NBPF15: variants seen among roughly 807,000 people sequenced by gnomAD.
NBPF15 encodes NBPF member 15, also known as NBPF family member NBPF15.
In NBPF15, 74 loss-of-function variants were observed where a neutral mutation model predicts 62.2. That is an observed-to-expected ratio of 1.19 (90% CI 0.99 to 1.44). The LOEUF (loss-of-function observed/expected upper bound fraction) is 1.44, where lower values mean the gene tolerates loss of function less well. NBPF15 is among the 40% of genes most tolerant of loss of function. NBPF15 has a pLI of 0.00. For missense variants in NBPF15, 790 were observed against 550.0 expected (o/e 1.44, Z -4.36); for synonymous variants, 244 against 209.7 (o/e 1.16, Z -1.41).
chr1:144,443,673 A>G (rs1685161711), intron 6 of NBPF15, among the ~76,000 whole-genome samples: 1 of 151,702 alleles, frequency 6.6e-6, no homozygotes, highest in South Asian at 2.1e-4. Context: ...TCTGGCTATT[A>G]ATCTCTATTA....
Position 144,442,432 on chromosome 1 carries a change from T to A in NBPF15, c.-190-2137A>T, listed in dbSNP as rs1413973504. Among the ~76,000 whole-genome samples the A allele has an allele frequency of 1.4e-3, 201 of 143,920 alleles. 2 individuals are homozygous for A. Among genetic ancestry groups the A allele is most frequent in the East Asian group, 4.6e-3 (23 of 4,978 alleles). The allele number at this position is 143,920 out of a possible 152,430, so 94.4% of individuals were successfully genotyped here. On this transcript the variant is annotated intron_variant, in intron 6 of 21. Coordinates refer to ENST00000581897, the MANE Select transcript of NBPF15 (RefSeq NM_001385408.1). ...GTGTATATATATTATATATATATAT[T>A]TTTTTCTTTTTTAAGTGGCGGAGCG...
chr1:144,443,179 C>T lies in NBPF15; in HGVS notation c.-190-2884G>A, dbSNP rs1489519560. Among the ~76,000 whole-genome samples, 1,198 of 151,958 alleles carry T rather than the reference C, an allele frequency of 7.9e-3. 16 individuals carry two copies. Among genetic ancestry groups the T allele is most frequent in the Non-Finnish European group, 0.012 (823 of 67,918 alleles). Reference sequence around the variant, plus strand: ...ACAGACACCTTCCCCCACCCATACCCCTCCTGTGTGTGGCTGGAAAACTTT... The same window carrying T: ...ACAGACACCTTCCCCCACCCATACCTCTCCTGTGTGTGGCTGGAAAACTTT... On this transcript the variant is annotated intron_variant, in intron 6 of 21. Coordinates refer to ENST00000581897, the MANE Select transcript of NBPF15 (RefSeq NM_001385408.1).
intron 3 of NBPF15, among the ~76,000 whole-genome samples, chr1:144,457,236 T>A (rs750406537): frequency 8.5e-5 from 13 of 152,060 alleles, no homozygotes; most frequent in Non-Finnish European, 1.9e-4. Context: ...CAGATCTTAG[T>A]GAACAAGAAT....
chr1:144,455,615 C>T lies in NBPF15; in HGVS notation c.-432+922G>A, dbSNP rs587649969. ...TGCTCCTTGTCCACTCCAGAAGCTTCCCAGCTGCAGGTGGGGGCCTCAGCC... is the reference window on the plus strand; with the variant it reads ...TGCTCCTTGTCCACTCCAGAAGCTTTCCAGCTGCAGGTGGGGGCCTCAGCC... On this transcript the variant is annotated intron_variant, in intron 4 of 21. Coordinates refer to ENST00000581897, the MANE Select transcript of NBPF15 (RefSeq NM_001385408.1). 5.3e-5 allele frequency among the ~76,000 whole-genome samples: 8 copies of T among 152,160 alleles called. No individual in the cohort carries two copies. The South Asian group carries it at 1.7e-3, about 32-fold the overall frequency.
chr1:144,459,974 G>A (rs1351725961), intron 2 of NBPF15, among the ~76,000 whole-genome samples: 1 of 105,386 alleles, frequency 9.5e-6, no homozygotes, highest in African/African-American at 3.7e-5. Context: ...GTCTAGTAAT[G>A]TTCTATTTCT....
In NBPF15 at chr1:144,424,704, G is replaced by A. The variant is rs1385069394; in HGVS notation, c.1649C>T (p.Ser550Phe). 6.4e-6 allele frequency: 4 copies of A among 625,316 alleles called. No homozygotes were observed. Among genetic ancestry groups the A allele is most frequent in the Non-Finnish European group, 1.1e-5 (4 of 357,532 alleles). 38.7% of individuals were successfully genotyped at this position (625,316 alleles called of 1,614,324 possible). The stretch of plus-strand genomic sequence containing the variant: ...AAGGTACTCACCTCCCACGTCAAGA[G>A]AAAAGCCAACATGTTTTTCCTCCAA... Reference protein sequence around the residue: ...YALEEKHVGFSLDVGEIEKKG... With the variant: ...YALEEKHVGFFLDVGEIEKKG... The change falls in exon 20 of 22, where the codon TCT (serine) becomes TTT (phenylalanine). Residue 550 changes from serine to phenylalanine, a missense_variant. Physicochemically the swap from Ser to Phe is radical, Grantham distance 155 (BLOSUM62 -2). Coordinates refer to ENST00000581897, the MANE Select transcript of NBPF15 (RefSeq NM_001385408.1).
At chr1:144,437,583 C>T (rs1157392939) in intron 9 of NBPF15, among the ~76,000 whole-genome samples, 12 of 150,814 alleles carry the variant, frequency 8.0e-5, no homozygotes, top group South Asian at 2.1e-4. Flanking sequence ...AATGAGAAGC[C>T]GCAGTCAGTC....
At chr1:144,432,826 A>G (rs1675458772) in intron 13 of NBPF15, among the ~76,000 whole-genome samples, 1 of 152,004 alleles carries the variant, frequency 6.6e-6, no homozygotes, top group African/African-American at 2.4e-5. Flanking sequence ...GAGACCTACA[A>G]AGAGATTTAG....
chr1:144,427,889 G>T lies in NBPF15; in HGVS notation c.1142C>A (p.Ser381Ter). 2 of 641,804 alleles carry T rather than the reference G, an allele frequency of 3.1e-6. No homozygotes were observed. 39.8% of individuals were successfully genotyped at this position (641,804 alleles called of 1,614,324 possible). ...AAAGGCACTTCTGTAGGGCTGGCAT[G>T]AGTCAGTCAGTTCAAGACAACCTGA... ...TPSGCLELTD[S>*]CQPYRSAFYV... is the part of the protein sequence containing the mutation. The change falls in exon 16 of 22, where the codon TCA becomes TAA. Residue 381 changes from serine to a stop codon, truncating the protein, a stop_gained. Transcript: ENST00000581897. LOFTEE classifies it high-confidence loss of function.
At chr1:144,430,965 A>T (rs1419720227) in intron 13 of NBPF15, among the ~76,000 whole-genome samples, 2 of 152,044 alleles carry the variant, frequency 1.3e-5, no homozygotes, top group Non-Finnish European at 2.9e-5. Flanking sequence ...CAAGTGCAAG[A>T]AATGGTATCA....
intron 13 of NBPF15, among the ~76,000 whole-genome samples, chr1:144,432,141 C>T (rs1674828035): frequency 6.6e-6 from 1 of 151,944 alleles, no homozygotes; most frequent in African/African-American, 2.4e-5. Flanking sequence ...TCTCCACATC[C>T]TCTCCAGCAT....
chr1:144,442,813 T>A, intron 6 of NBPF15: 1 of 211,882 alleles, frequency 4.7e-6, no homozygotes, highest in Non-Finnish European at 1.0e-5. Context: ...GGTCCTGGAC[T>A]CACTGCTGCA....
At chr1:144,423,545 A>C (rs1162924718) in intron 21 of NBPF15, among the ~76,000 whole-genome samples, 1 of 151,976 alleles carries the variant, frequency 6.6e-6, no homozygotes, top group Non-Finnish European at 1.5e-5. Flanking sequence ...GGACACTCTG[A>C]GTTAGTGCCC....
chr1:144,426,390 T>C lies in NBPF15; in HGVS notation c.1326A>G (p.Arg442=). The C allele has an allele frequency of 4.8e-6, 4 of 829,822 alleles. No homozygotes were observed. Among genetic ancestry groups the C allele is most frequent in the East Asian group, 2.4e-5 (1 of 41,328 alleles). 51.4% of individuals were successfully genotyped at this position (829,822 alleles called of 1,614,324 possible). ...GATAATCTGAAGGAGTCGAATAACATCTATCCAGTGAGTCCTGCAAGACTT... is the reference window on the plus strand; with the variant it reads ...GATAATCTGAAGGAGTCGAATAACACCTATCCAGTGAGTCCTGCAAGACTT... ...EPEVLQDSLD[R]CYSTPSDYLE... The change falls in exon 18 of 22, where the codon AGA becomes AGG. Residue 442 remains arginine (R), a synonymous_variant. Transcript: ENST00000581897.
At position 144,439,988 on chromosome 1, in the gene NBPF15, C is replaced by T. The variant is rs1318593822; in HGVS notation, c.16G>A (p.Gly6Ser). The change falls in exon 8 of 22, where the codon GGC becomes AGC. Residue 6 changes from glycine (G) to serine (S), a missense_variant. Transcript: ENST00000581897. ...TCTGCCTTCTCGCTGGACAAAGGGC[C>T]GGCTGATACCACCATGCTGACGTTT... MVVSA[G>S]PLSSEKAEMN... 3.9e-5 allele frequency: 63 copies of T among 1,608,664 alleles called. No individual in the cohort carries two copies. The Middle Eastern group carries it at 6.6e-4, about 17-fold the overall frequency.
intron 3 of NBPF15, among the ~76,000 whole-genome samples, chr1:144,457,150 T>TG (rs1380909612): frequency 6.6e-6 from 1 of 151,568 alleles, no homozygotes; most frequent in Non-Finnish European, 1.5e-5. Flanking sequence ...AACTCCAGCC[T>TG]GGGGGAAAAA....
chr1:144,435,577 C>A (rs1389546701), intron 11 of NBPF15, among the ~76,000 whole-genome samples: 2 of 151,948 alleles, frequency 1.3e-5, no homozygotes, highest in Non-Finnish European at 2.9e-5. Context: ...CTCAGCTATC[C>A]CTGTACGGTG....
chr1:144,426,925 T>C (rs1670164243), intron 17 of NBPF15, 122 bp downstream of exon 17: 1 of 595,536 alleles, frequency 1.7e-6, no homozygotes, highest in African/African-American at 1.9e-5. Flanking sequence ...CCAACAGCAA[T>C]GTCAGGAGGA....
chr1:144,439,980 C>A lies in NBPF15; in HGVS notation c.24G>T (p.Leu8Phe). ...TGTTCATCTCTGCCTTCTCGCTGGA[C>A]AAAGGGCCGGCTGATACCACCATGC... MVVSAGPLSSEKAEMNIL... is the reference protein window; with the variant it reads MVVSAGPFSSEKAEMNIL... The change falls in exon 8 of 22, where the codon TTG becomes TTT. Residue 8 changes from leucine (L) to phenylalanine (F), a missense_variant. Physicochemically the swap from Leu to Phe is conservative, Grantham distance 22 (BLOSUM62 0). Transcript: ENST00000581897. 2 of 1,610,124 alleles carry A rather than the reference C, an allele frequency of 1.2e-6. No homozygotes were observed. The highest frequency in any genetic ancestry group is 2.2e-5 in the South Asian group (2 of 90,938).
Sources: allele counts gnomAD v4.1 joint callset (sites outside exome capture counted in the v4.1 genomes callset), GRCh38; gene constraint gnomAD v4.1.1; transcripts MANE v1.5; gene names NCBI Gene and HGNC (gene_info 2026-07-23, HGNC 2026-07-21).